The following PIK3CA variants were observed in gnomAD, a reference collection of about 807,000 sequenced individuals.
The protein encoded by PIK3CA is phosphatidylinositol 4,5-bisphosphate 3-kinase catalytic subunit alpha isoform.
In PIK3CA, 27 loss-of-function variants were observed where a neutral mutation model predicts 138.2. That is an observed-to-expected ratio of 0.20 (90% CI 0.14 to 0.27). The LOEUF (loss-of-function observed/expected upper bound fraction) is 0.27. Among genes scored for constraint, PIK3CA ranks in the 10% least tolerant of loss-of-function variants. The pLI is 1.00. For synonymous variants in PIK3CA, 358 were observed against 413.2 expected, an observed-to-expected ratio of 0.87 and a Z score of 1.62; for missense variants, 544 against 1,277.4, an observed-to-expected ratio of 0.43 and a Z score of 8.75.
chr3:179,221,291 C>T (rs1724960862), intron 14 of PIK3CA, 134 bp downstream of exon 14: 1 of 633,372 alleles, frequency 1.6e-6, no homozygotes, highest in African/African-American at 1.8e-5. Flanking sequence ...TCCACTGCCT[C>T]TCAGCTGTGT....
chr3:179,206,668 A>C (rs1724569499), intron 6 of PIK3CA, among the ~76,000 whole-genome samples: 1 of 152,128 alleles, frequency 6.6e-6, no homozygotes, highest in East Asian at 1.9e-4. Flanking sequence ...TAATCCCAAC[A>C]CTTTGGGAAG....
chr3:179,233,285 C>T (rs1725254242), intron 20 of PIK3CA: 1 of 398,108 alleles, frequency 2.5e-6, no homozygotes, highest in Non-Finnish European at 4.4e-6. Flanking sequence ...TTGTCTTGTT[C>T]TAGTTCTCAG....
chr3:179,224,640 T>A (rs2108417586), intron 15 of PIK3CA, 60 bp from the exon 16 acceptor site: 1 of 1,131,828 alleles, frequency 8.8e-7, no homozygotes, highest in Non-Finnish European at 1.3e-6. Flanking sequence ...TTAAAATAAA[T>A]TTCAGGGTAA....
intron 1 of PIK3CA, among the ~76,000 whole-genome samples, chr3:179,188,722 CTCTT>C (rs1256248724): frequency 2.0e-5 from 3 of 152,080 alleles, no homozygotes; most frequent in Non-Finnish European, 2.9e-5. Flanking sequence ...TAGTAGAAAA[CTCTT>C]TATCACTGTG....
At chr3:179,206,875 T>C (rs80257121) in intron 6 of PIK3CA, among the ~76,000 whole-genome samples, 2,390 of 148,274 alleles carry the variant, frequency 0.016, 90 homozygotes, top group South Asian at 0.13. Flanking sequence ...GCCATGATCG[T>C]ACTACTGCAG....
Position 179,163,921 on chromosome 3 carries a change from G to A in PIK3CA, c.-77+15318G>A, listed in dbSNP as rs775382405. Reference sequence around the variant, plus strand: ...TTGGTTTAACCCTTTCGAAAAGCACGTGAACAATTTGCATGCCTTTAAAAT... The same window carrying A: ...TTGGTTTAACCCTTTCGAAAAGCACATGAACAATTTGCATGCCTTTAAAAT... On this transcript the variant is annotated intron_variant, in intron 1 of 20. Transcript: ENST00000263967. 2.6e-5 allele frequency among the ~76,000 whole-genome samples: 4 copies of A among 151,946 alleles called. 1 individual carries two copies. In the East Asian group the frequency reaches 7.7e-4, roughly 29 times the overall value.
At chr3:179,202,357 A>G (rs1415563489) in intron 4 of PIK3CA, among the ~76,000 whole-genome samples, 1 of 152,222 alleles carries the variant, frequency 6.6e-6, no homozygotes, top group Non-Finnish European at 1.5e-5. Context: ...GGCGTGAGCC[A>G]TTGCGCCCAG....
chr3:179,157,079 C>G (rs1008992315), intron 1 of PIK3CA, among the ~76,000 whole-genome samples: 1 of 152,128 alleles, frequency 6.6e-6, no homozygotes, highest in Non-Finnish European at 1.5e-5. Flanking sequence ...AAATTAGACA[C>G]TACTTACAAA....
rs2108393458 is a variant in PIK3CA at position 179,203,809 on chromosome 3, C to G, written c.1059+20C>G. ...GATAAGGTAAAGTCAAATGCTGATG[C>G]TTATTATTTTATAGAAATTATTTTA... On this transcript the variant is annotated intron_variant, in intron 5 of 20. Transcript: ENST00000263967. 1 of 1,545,498 alleles carries G rather than the reference C, an allele frequency of 6.5e-7. No homozygotes were observed. Among genetic ancestry groups the G allele is most frequent in the Non-Finnish European group, 8.8e-7 (1 of 1,141,888 alleles).
At chr3:179,194,187 A>G (rs55961756) in intron 1 of PIK3CA, among the ~76,000 whole-genome samples, 12,091 of 152,230 alleles carry the variant, frequency 0.079, 510 homozygotes, top group African/African-American at 0.1. Context: ...TAAAAGCATC[A>G]TGTCATTTTT....
At chr3:179,179,420 C>CAA (rs1456710890) in intron 1 of PIK3CA, among the ~76,000 whole-genome samples, 2 of 152,130 alleles carry the variant, frequency 1.3e-5, no homozygotes, top group African/African-American at 4.8e-5. Flanking sequence ...CACTGTGATT[C>CAA]AATTTATGTA....
At chr3:179,159,420 T>G (rs1192561236) in intron 1 of PIK3CA, among the ~76,000 whole-genome samples, 2 of 152,230 alleles carry the variant, frequency 1.3e-5, no homozygotes, top group African/African-American at 4.8e-5. Context: ...TTTTTCTATA[T>G]GTACACACAA....
chr3:179,167,269 G>A (rs1723443719), intron 1 of PIK3CA, among the ~76,000 whole-genome samples: 2 of 152,026 alleles, frequency 1.3e-5, no homozygotes. Context: ...TTAAATTTGA[G>A]CATTCTAATT....
intron 1 of PIK3CA, among the ~76,000 whole-genome samples, chr3:179,157,266 T>G (rs996842766): frequency 6.6e-6 from 1 of 152,212 alleles, no homozygotes; most frequent in Non-Finnish European, 1.5e-5. Flanking sequence ...GAGACCATGA[T>G]AGGCAGCATC....
chr3:179,150,822 CT>C (rs1374261279), intron 1 of PIK3CA, among the ~76,000 whole-genome samples: 1 of 152,164 alleles, frequency 6.6e-6, no homozygotes, highest in Admixed American at 6.5e-5. Context: ...AACCAGTTTA[CT>C]TTGTGTGCCG....
chr3:179,206,832 C>T (rs1425509241), intron 6 of PIK3CA, among the ~76,000 whole-genome samples: 1 of 150,910 alleles, frequency 6.6e-6, no homozygotes, highest in Non-Finnish European at 1.5e-5. Context: ...GTGGGAGGAT[C>T]ACCTGAGCCC....
chr3:179,176,120 C>T (rs1723691663), intron 1 of PIK3CA, among the ~76,000 whole-genome samples: 1 of 152,114 alleles, frequency 6.6e-6, no homozygotes. Context: ...AAGAAAGGGA[C>T]TTTGGGTCTC....
At chr3:179,153,181 A>G (rs181322888) in intron 1 of PIK3CA, among the ~76,000 whole-genome samples, 1 of 152,332 alleles carries the variant, frequency 6.6e-6, no homozygotes, top group Non-Finnish European at 1.5e-5. Context: ...ATAGGCACAA[A>G]TAATGTTTTC....
intron 2 of PIK3CA, 113 bp downstream of exon 2, chr3:179,199,290 A>G (rs1724347902): frequency 3.2e-6 from 2 of 634,106 alleles, no homozygotes; most frequent in Admixed American, 7.1e-5. Context: ...ATAGCTTTCT[A>G]AATAAAAATC....
Sources: allele counts gnomAD v4.1 joint callset (sites outside exome capture counted in the v4.1 genomes callset), GRCh38; gene constraint gnomAD v4.1.1; transcripts MANE v1.5; gene names NCBI Gene and HGNC (gene_info 2026-07-23, HGNC 2026-07-21).